OPA1: variants seen among roughly 807,000 people sequenced by gnomAD.
OPA1 encodes the protein dynamin-like GTPase OPA1, mitochondrial.
Under a neutral mutation model 152.9 loss-of-function variants are expected in OPA1, and 59 were observed. The ratio of observed to expected loss-of-function variants is 0.39; its 90% confidence interval spans 0.31 to 0.48. The LOEUF (loss-of-function observed/expected upper bound fraction) is 0.48. OPA1 is among the 20% of genes least tolerant of loss of function. The pLI is 0.96. For synonymous variants in OPA1, 400 were observed against 389.9 expected (o/e 1.03, Z -0.31); for missense variants, 1,008 against 1,216.8 (o/e 0.83, Z 2.55).
intron 8 of OPA1, among the ~76,000 whole-genome samples, chr3:193,632,078 TC>T (rs1439985448): frequency 2.0e-5 from 3 of 152,240 alleles, no homozygotes; most frequent in African/African-American, 7.2e-5. Context: ...TATCTAAAGC[TC>T]TTTCTGGCAC....
chr3:193,654,094 A>G (rs975074501), intron 21 of OPA1, among the ~76,000 whole-genome samples: 7 of 152,230 alleles, frequency 4.6e-5, no homozygotes, highest in Non-Finnish European at 7.3e-5. Context: ...GTGAATTCTC[A>G]TAGCAGCTTT....
intron 1 of OPA1, among the ~76,000 whole-genome samples, chr3:193,609,868 T>C (rs1026974235): frequency 3.3e-5 from 5 of 152,234 alleles, no homozygotes; most frequent in African/African-American, 9.6e-5. Flanking sequence ...GTAGTTCTCG[T>C]GCCTTGGTTT....
At chr3:193,632,696 C>T (rs1449941214) in intron 8 of OPA1, among the ~76,000 whole-genome samples, 1 of 151,726 alleles carries the variant, frequency 6.6e-6, no homozygotes, top group Non-Finnish European at 1.5e-5. Flanking sequence ...CGGAGAAACC[C>T]CGTATCTATA....
chr3:193,694,428 A>AT (rs1722068170), intron 30 of OPA1, among the ~76,000 whole-genome samples, 178 bp from the exon 31 acceptor site: 1 of 152,208 alleles, frequency 6.6e-6, no homozygotes, highest in African/African-American at 2.4e-5. Flanking sequence ...CTTATGTTTG[A>AT]TAAAAAAATT....
At chr3:193,668,673 C>T (rs2276722) in intron 29 of OPA1, 281,195 of 1,450,258 alleles carry the variant, frequency 0.19, 28,511 homozygotes, top group South Asian at 0.28. Flanking sequence ...CTACCAACAG[C>T]CCCATGTGAA....
At chr3:193,634,397 A>G (rs1243299222) in intron 8 of OPA1, among the ~76,000 whole-genome samples, 1 of 151,432 alleles carries the variant, frequency 6.6e-6, no homozygotes, top group Non-Finnish European at 1.5e-5. Context: ...TTGGCTACAC[A>G]TTTTCCTTCT....
In OPA1 at chr3:193,615,757, G is replaced by A. The variant is rs996153997; in HGVS notation, c.435G>A (p.Glu145=). Reference sequence around the variant, plus strand: ...CTGACATTGTGTGGGAAATTGATGAGTATATCGATTTTGGTTTGTATCATG... The same window carrying A: ...CTGACATTGTGTGGGAAATTGATGAATATATCGATTTTGGTTTGTATCATG... ...IVPDIVWEID[E]YIDFEKIRKA... The change falls in exon 3 of 31, where the codon GAG becomes GAA. Residue 145 remains glutamate (E), a synonymous_variant. Transcript: ENST00000361510. 5.0e-6 allele frequency: 8 copies of A among 1,602,354 alleles called. No homozygotes were observed. In the African/African-American group the frequency reaches 1.1e-4, roughly 21 times the overall value.
At chr3:193,636,889 T>C (rs1733033563) in intron 9 of OPA1, among the ~76,000 whole-genome samples, 1 of 152,236 alleles carries the variant, frequency 6.6e-6, no homozygotes, top group Admixed American at 6.5e-5. Flanking sequence ...TGGTCTTTTC[T>C]TGCATTCAGT....
intron 18 of OPA1, among the ~76,000 whole-genome samples, chr3:193,646,096 A>AATCGACGCTTTCACTTTTAAACGTGT (rs1377235563): frequency 6.6e-6 from 1 of 152,222 alleles, no homozygotes; most frequent in Admixed American, 6.5e-5. Context: ...GGTTTTAGAA[A>AATCGACGCTTTCACTTTTAAACGTGT]ATCGACGCTT....
At chr3:193,676,625 G>A (rs1283378642) in intron 29 of OPA1, among the ~76,000 whole-genome samples, 1 of 152,132 alleles carries the variant, frequency 6.6e-6, no homozygotes, top group Non-Finnish European at 1.5e-5. Context: ...TGAGAAAATC[G>A]AGACTCAAAA....
rs1716540595 is a variant in OPA1, at chr3:193,666,378, C to A, written c.2861C>A (p.Thr954Lys). ...ITANTLRQQLTNTEVRRLEKN... is the reference protein window; with the variant it reads ...ITANTLRQQLKNTEVRRLEKN... ...GCAAATACTTTAAGGCAACAACTTA[C>A]AAATACTGAAGGTAAGCCACATAGG... The change falls in exon 28 of 31, where the codon ACA (threonine) becomes AAA (lysine). Residue 954 changes from threonine (T) to lysine (K), a missense_variant. By Grantham distance (78) the Thr-to-Lys change is moderately conservative (BLOSUM62 -1). Transcript: ENST00000361510. 1 of 1,613,286 alleles carries A rather than the reference C, an allele frequency of 6.2e-7. No individual in the cohort carries two copies.
intron 1 of OPA1, among the ~76,000 whole-genome samples, chr3:193,598,227 G>A (rs1725911657): frequency 6.6e-6 from 1 of 152,178 alleles, no homozygotes; most frequent in African/African-American, 2.4e-5. Flanking sequence ...TTTACATGAG[G>A]AAGAAGAGGA....
intron 6 of OPA1, among the ~76,000 whole-genome samples, chr3:193,625,568 G>T (rs1730967764): frequency 1.3e-5 from 2 of 152,020 alleles, no homozygotes; most frequent in South Asian, 4.1e-4. Flanking sequence ...AAGGCACATA[G>T]AATATATGAC....
chr3:193,647,755 A>G (rs9845217), intron 19 of OPA1, among the ~76,000 whole-genome samples: 70,886 of 151,974 alleles, frequency 0.47, 16,789 homozygotes, highest in Non-Finnish European at 0.47. Flanking sequence ...GTGTCACACA[A>G]CATGGGTAAT....
intron 23 of OPA1, among the ~76,000 whole-genome samples, chr3:193,658,263 A>G (rs1560398015): frequency 2.1e-5 from 2 of 93,116 alleles, no homozygotes; most frequent in African/African-American, 4.2e-5. Context: ...AAAAAAAAAA[A>G]AGAAAGAAAA....
chr3:193,621,278 A>G (rs192202502), intron 6 of OPA1, among the ~76,000 whole-genome samples: 1 of 152,390 alleles, frequency 6.6e-6, no homozygotes, highest in East Asian at 1.9e-4. Context: ...GGCAACTAGC[A>G]GAACAGTTAG....
rs144024325 is a variant in OPA1 at position 193,693,537 on chromosome 3, G to C, written c.*6-1069G>C. On this transcript the variant is annotated intron_variant, in intron 30 of 30. Transcript: ENST00000361510. Reference sequence around the variant, plus strand: ...TGCCTGTAATCCCAGCTACTCGGGAGCCTGAGTCAGGAGAATCACTTGAAC... The same window carrying C: ...TGCCTGTAATCCCAGCTACTCGGGACCCTGAGTCAGGAGAATCACTTGAAC... Among the ~76,000 whole-genome samples the C allele has an allele frequency of 5.8e-4, 88 of 152,258 alleles. No homozygotes were observed. In the East Asian group the frequency reaches 0.016, roughly 27 times the overall value.
chr3:193,686,851 A>G (rs1430066806), intron 29 of OPA1, among the ~76,000 whole-genome samples: 1 of 152,180 alleles, frequency 6.6e-6, no homozygotes, highest in African/African-American at 2.4e-5. Context: ...AGTTCCATTA[A>G]GGTACATTTG....
chr3:193,692,000 A>G, intron 29 of OPA1, 63 bp from the exon 30 acceptor site: 1 of 993,934 alleles, frequency 1.0e-6, no homozygotes. Context: ...TTAGTAAATA[A>G]TTACCTCCTG....
Sources: gnomAD v4.1 joint callset for allele counts (sites outside exome capture counted in the v4.1 genomes callset) on GRCh38, gnomAD v4.1.1 for gene constraint, MANE v1.5 for transcripts, NCBI Gene and HGNC (gene_info 2026-07-23, HGNC 2026-07-21) for gene names.